The following RBFOX1 variants were observed in gnomAD, a reference collection of about 807,000 sequenced individuals.
The protein encoded by RBFOX1 is RNA binding fox-1 homolog 1, also known as RNA binding protein fox-1 homolog 1.
RBFOX1 carries 8 observed loss-of-function variants against 57.7 expected under a neutral mutation model. The ratio of observed to expected loss-of-function variants is 0.14; its 90% CI spans 0.08 to 0.25. The LOEUF (loss-of-function observed/expected upper bound fraction) is 0.25, where lower values mean the gene tolerates loss of function less well. Among genes scored for constraint, RBFOX1 ranks in the 10% least tolerant of loss-of-function variants. The pLI is 1.00. For missense variants in RBFOX1, 611 were observed against 548.5 expected (o/e 1.11, Z -1.14); for synonymous variants, 326 against 222.4 (o/e 1.47, Z -4.15).
intron 1 of RBFOX1, among the ~76,000 whole-genome samples, chr16:5,381,487 C>G (rs2066129851): frequency 6.6e-6 from 1 of 151,706 alleles, no homozygotes; most frequent in African/African-American, 2.4e-5. Flanking sequence ...TTCTGCATTT[C>G]TAGCAAGCTC....
chr16:5,682,830 T>C (rs1423187163), intron 3 of RBFOX1, among the ~76,000 whole-genome samples: 1 of 152,202 alleles, frequency 6.6e-6, no homozygotes, highest in Non-Finnish European at 1.5e-5. Context: ...ATATGTGAAA[T>C]GTATTGCTAC....
At chr16:7,699,950 A>T (rs1347173455) in intron 14 of RBFOX1, among the ~76,000 whole-genome samples, 1 of 152,128 alleles carries the variant, frequency 6.6e-6, no homozygotes, top group African/African-American at 2.4e-5. Flanking sequence ...GATAATCTGG[A>T]CATTGTCAGT....
At chr16:6,396,829 T>A (rs2092856152) in intron 2 of RBFOX1, among the ~76,000 whole-genome samples, 1 of 152,122 alleles carries the variant, frequency 6.6e-6, no homozygotes, top group Non-Finnish European at 1.5e-5. Flanking sequence ...GATAAGGACT[T>A]TGAAACAGCT....
Position 7,180,317 on chromosome 16 carries a change from G to A in RBFOX1, c.27+128219G>A, listed in dbSNP as rs142309942. 1.5e-3 allele frequency among the ~76,000 whole-genome samples: 234 copies of A among 152,190 alleles called. 1 individual carries two copies. The highest frequency in any genetic ancestry group is 5.3e-3 in the African/African-American group (221 of 41,522). On this transcript the variant is annotated intron_variant, in intron 4 of 15. Coordinates refer to ENST00000550418, the MANE Select transcript of RBFOX1 (RefSeq NM_018723.4). ...GTGCTATAATTATTCCCATTTTTCA[G>A]ATAGAAAACTGAGGCTAAGAGAAGT...
At chr16:6,405,544 C>A (rs970205839) in intron 2 of RBFOX1, among the ~76,000 whole-genome samples, 1 of 152,144 alleles carries the variant, frequency 6.6e-6, no homozygotes, top group Non-Finnish European at 1.5e-5. Context: ...CATGCTTAGG[C>A]CTGCAAGTGA....
chr16:5,854,947 G>A (rs561550256), intron 3 of RBFOX1, among the ~76,000 whole-genome samples: 28 of 152,242 alleles, frequency 1.8e-4, no homozygotes, highest in Admixed American at 1.6e-3. Flanking sequence ...CCTCATTGTG[G>A]TTTTGATTTG....
chr16:7,653,713 G>C, intron 11 of RBFOX1, 102 bp from the exon 12 acceptor site: 1 of 1,534,572 alleles, frequency 6.5e-7, no homozygotes, highest in Non-Finnish European at 8.8e-7. Context: ...GGTCCTGCTG[G>C]GACCCTGTGC....
intron 3 of RBFOX1, among the ~76,000 whole-genome samples, chr16:6,993,742 T>A (rs1383767570): frequency 6.6e-6 from 1 of 152,110 alleles, no homozygotes; most frequent in African/African-American, 2.4e-5. Context: ...GCAGCCCAGC[T>A]CCATGGGCAT....
intron 4 of RBFOX1, among the ~76,000 whole-genome samples, chr16:7,063,517 A>G (rs2055133347): frequency 6.6e-6 from 1 of 152,150 alleles, no homozygotes; most frequent in Admixed American, 6.5e-5. Flanking sequence ...GATTCTGGAG[A>G]TGGACCCAAG....
chr16:5,887,270 G>A (rs946800650), intron 4 of RBFOX1, among the ~76,000 whole-genome samples: 1 of 152,122 alleles, frequency 6.6e-6, no homozygotes, highest in Admixed American at 6.5e-5. Flanking sequence ...GTGGTACCTG[G>A]CCCTGGACAC....
intron 3 of RBFOX1, among the ~76,000 whole-genome samples, chr16:6,815,496 G>C (rs2031384790): frequency 6.6e-6 from 1 of 152,106 alleles, no homozygotes; most frequent in African/African-American, 2.4e-5. Context: ...AAGGAGATAT[G>C]ATTATATTTC....
chr16:5,896,378 G>C (rs543114650), intron 4 of RBFOX1, among the ~76,000 whole-genome samples: 1 of 152,252 alleles, frequency 6.6e-6, no homozygotes, highest in Non-Finnish European at 1.5e-5. Flanking sequence ...AGGATAGTGA[G>C]TTCTCACTCT....
chr16:6,738,355 A>T (rs62017579), intron 3 of RBFOX1, among the ~76,000 whole-genome samples: 1 of 152,098 alleles, frequency 6.6e-6, no homozygotes, highest in East Asian at 1.9e-4. Context: ...AGGAAGTGGA[A>T]CTGAGGGTCC....
chr16:6,236,291 T>A (rs1029542841), intron 1 of RBFOX1, among the ~76,000 whole-genome samples: 1 of 152,138 alleles, frequency 6.6e-6, no homozygotes, highest in Non-Finnish European at 1.5e-5. Flanking sequence ...TGCATCTCAC[T>A]TTGTCCTGGT....
At chr16:5,514,179 G>A (rs891341713) in intron 2 of RBFOX1, among the ~76,000 whole-genome samples, 4 of 152,172 alleles carry the variant, frequency 2.6e-5, no homozygotes, top group Middle Eastern at 3.2e-3. Flanking sequence ...TTATGAGTCA[G>A]CTGGCAATCC....
intron 11 of RBFOX1, among the ~76,000 whole-genome samples, chr16:7,637,271 CA>C (rs5815418): frequency 0.5 from 68,926 of 139,186 alleles, 16,540 homozygotes; most frequent in East Asian, 0.74. Flanking sequence ...CTTCCCTCCT[CA>C]AAAAAAAAAA....
chr16:6,588,291 A>G (rs1261905551), intron 2 of RBFOX1, among the ~76,000 whole-genome samples: 1 of 151,996 alleles, frequency 6.6e-6, no homozygotes, highest in African/African-American at 2.4e-5. Context: ...TATTTTTTTA[A>G]TGTAGATACT....
chr16:7,401,695 C>T (rs1376870101), intron 4 of RBFOX1, among the ~76,000 whole-genome samples: 1 of 152,078 alleles, frequency 6.6e-6, no homozygotes, highest in East Asian at 1.9e-4. Context: ...TTGCTTGCCT[C>T]CAGAATTGAG....
chr16:6,036,853 A>G (rs4293390), intron 1 of RBFOX1, among the ~76,000 whole-genome samples: 34,564 of 152,220 alleles, frequency 0.23, 4,716 homozygotes, highest in South Asian at 0.33. Flanking sequence ...TCAAAGTGCT[A>G]TATGGGACAC....
Sources: allele counts gnomAD v4.1 joint callset (sites outside exome capture counted in the v4.1 genomes callset), GRCh38; gene constraint gnomAD v4.1.1; transcripts MANE v1.5; gene names NCBI Gene and HGNC (gene_info 2026-07-23, HGNC 2026-07-21).